MARCHF1: variants seen among roughly 807,000 people sequenced by gnomAD.
MARCHF1 encodes E3 ubiquitin-protein ligase MARCHF1.
In MARCHF1, 40 loss-of-function variants were observed where a neutral mutation model predicts 54.2. The observed-to-expected ratio is 0.74, with a 90% CI of 0.57 to 0.96. MARCHF1 has a LOEUF of 0.96. Among genes scored for constraint, MARCHF1 ranks in the 40% least tolerant of loss-of-function variants. MARCHF1 has a pLI of 0.00. For missense variants in MARCHF1, 586 were observed against 656.5 expected (o/e 0.89, Z 1.17); for synonymous variants, 236 against 236.3 (o/e 1.00, Z 0.01).
At chr4:163,834,559 A>C (rs1749124164) in intron 4 of MARCHF1, among the ~76,000 whole-genome samples, 1 of 149,632 alleles carries the variant, frequency 6.7e-6, no homozygotes, top group African/African-American at 2.4e-5. Context: ...CCACTAACTC[A>C]TCATCTAGCA....
chr4:163,746,710 T>C (rs17577488), intron 4 of MARCHF1, among the ~76,000 whole-genome samples: 57,113 of 151,992 alleles, frequency 0.38, 11,160 homozygotes, highest in Non-Finnish European at 0.43. Flanking sequence ...TGGAAACACA[T>C]TCTGATAATA....
chr4:164,075,132 T>A (rs1378655818), intron 2 of MARCHF1, among the ~76,000 whole-genome samples: 1 of 152,110 alleles, frequency 6.6e-6, no homozygotes, highest in Admixed American at 6.6e-5. Flanking sequence ...ATTTGAATCA[T>A]CTATACTAAA....
chr4:164,125,872 A>G (rs544649956), intron 1 of MARCHF1, among the ~76,000 whole-genome samples: 2 of 152,304 alleles, frequency 1.3e-5, no homozygotes, highest in South Asian at 4.1e-4. Context: ...TGAGAATCTA[A>G]TACCTGGTGA....
chr4:163,620,567 CCACACACA>C (rs138692310), intron 5 of MARCHF1, among the ~76,000 whole-genome samples: 91 of 120,118 alleles, frequency 7.6e-4, no homozygotes, highest in African/African-American at 1.2e-3. Context: ...ATGAGGTACA[CCACACACA>C]CACACACACA....
chr4:163,764,145 T>C (rs1746908975), intron 4 of MARCHF1, among the ~76,000 whole-genome samples: 1 of 152,032 alleles, frequency 6.6e-6, no homozygotes, highest in South Asian at 2.1e-4. Flanking sequence ...GAGGGTTTAG[T>C]AGGCCCAGGC....
At chr4:163,563,527 T>A (rs1191459046) in intron 8 of MARCHF1, among the ~76,000 whole-genome samples, 3 of 152,158 alleles carry the variant, frequency 2.0e-5, no homozygotes, top group African/African-American at 7.2e-5. Context: ...GCAGAAATGA[T>A]CCCTCCCTAC....
At chr4:163,959,547 A>G (rs988352308) in intron 3 of MARCHF1, among the ~76,000 whole-genome samples, 4 of 152,030 alleles carry the variant, frequency 2.6e-5, no homozygotes, top group African/African-American at 9.7e-5. Context: ...CAAAGCTGAC[A>G]AAAACAAGCA....
At chr4:164,161,478 A>G (rs1005733875) in intron 1 of MARCHF1, among the ~76,000 whole-genome samples, 1 of 152,088 alleles carries the variant, frequency 6.6e-6, no homozygotes, top group Non-Finnish European at 1.5e-5. Flanking sequence ...GCCATGTTGG[A>G]TACAATTTAG....
At chr4:164,065,737 C>G (rs138740167) in intron 2 of MARCHF1, among the ~76,000 whole-genome samples, 1,878 of 152,254 alleles carry the variant, frequency 0.012, 38 homozygotes, top group African/African-American at 0.043. Context: ...GGCAGTGCAG[C>G]CTTCAGTGTG....
intron 1 of MARCHF1, among the ~76,000 whole-genome samples, chr4:164,239,342 G>C (rs192568598): frequency 6.6e-6 from 1 of 152,032 alleles, no homozygotes; most frequent in East Asian, 1.9e-4. Context: ...TTACTTATTT[G>C]ATAGTTCCTA....
chr4:163,723,417 G>T (rs948256042), intron 4 of MARCHF1, among the ~76,000 whole-genome samples: 4 of 152,284 alleles, frequency 2.6e-5, no homozygotes, highest in East Asian at 1.9e-4. Flanking sequence ...GGGCTTCCCT[G>T]TGTGGGTAAC....
At chr4:164,098,689 T>A (rs1755468419) in intron 2 of MARCHF1, among the ~76,000 whole-genome samples, 1 of 152,226 alleles carries the variant, frequency 6.6e-6, no homozygotes, top group Non-Finnish European at 1.5e-5. Flanking sequence ...CATGATCTGT[T>A]CAGTCACAGA....
chr4:163,895,909 G>T (rs1579374785), intron 3 of MARCHF1, among the ~76,000 whole-genome samples: 1 of 152,004 alleles, frequency 6.6e-6, no homozygotes, highest in African/African-American at 2.4e-5. Context: ...CCCCCCCACT[G>T]CCCCACAATA....
chr4:163,686,090 A>G (rs1464987792), intron 5 of MARCHF1, among the ~76,000 whole-genome samples: 1 of 152,210 alleles, frequency 6.6e-6, no homozygotes, highest in East Asian at 1.9e-4. Flanking sequence ...AATGCTTAAC[A>G]CATAGTAAGT....
chr4:164,366,013 A>G (rs1730871083), intron 1 of MARCHF1, among the ~76,000 whole-genome samples: 1 of 152,038 alleles, frequency 6.6e-6, no homozygotes, highest in Admixed American at 6.6e-5. Flanking sequence ...TGTTTTGAAC[A>G]AGAAGTTGCA....
intron 5 of MARCHF1, among the ~76,000 whole-genome samples, chr4:163,626,497 A>G (rs1452050732): frequency 6.6e-6 from 1 of 152,242 alleles, no homozygotes; most frequent in African/African-American, 2.4e-5. Context: ...CACATTAATT[A>G]TACTCTGTAA....
At chr4:163,949,347 T>C (rs1219337417) in intron 3 of MARCHF1, among the ~76,000 whole-genome samples, 4 of 152,116 alleles carry the variant, frequency 2.6e-5, no homozygotes, top group Admixed American at 6.5e-5. Context: ...AGCTTGGAGA[T>C]GACAGGAACT....
At chr4:163,806,706 T>C (rs1748233757) in intron 4 of MARCHF1, among the ~76,000 whole-genome samples, 1 of 152,144 alleles carries the variant, frequency 6.6e-6, no homozygotes, top group Non-Finnish European at 1.5e-5. Context: ...GAAAAAGTGA[T>C]GGGAAAAGCA....
At chr4:163,916,330 T>A (rs1751305985) in intron 3 of MARCHF1, among the ~76,000 whole-genome samples, 1 of 152,114 alleles carries the variant, frequency 6.6e-6, no homozygotes, top group Non-Finnish European at 1.5e-5. Context: ...AATGCCTAGA[T>A]ATAAGAGTGA....
Sources: allele counts gnomAD v4.1 joint callset (sites outside exome capture counted in the v4.1 genomes callset), GRCh38; gene constraint gnomAD v4.1.1; transcripts MANE v1.5; gene names NCBI Gene and HGNC (gene_info 2026-07-23, HGNC 2026-07-21).